The following GNG4 variants were observed in gnomAD, a reference collection of about 807,000 sequenced individuals.
GNG4 encodes guanine nucleotide-binding protein G(I)/G(S)/G(O) subunit gamma-4.
In GNG4, 4 loss-of-function variants were observed where a neutral mutation model predicts 5.8. The ratio of observed to expected loss-of-function variants is 0.69; its 90% CI spans 0.34 to 1.57. GNG4 has a LOEUF of 1.57. Among genes scored for constraint, GNG4 ranks in the 40% most tolerant of loss-of-function variants. The probability of loss-of-function intolerance (pLI) is 0.06; values close to 1 mark genes in which losing one functional copy is unlikely to be tolerated. For synonymous variants in GNG4, 29 were observed against 32.9 expected (o/e 0.88, Z 0.41); for missense variants, 96 against 95.1 (o/e 1.01, Z -0.04).
chr1:235,621,289 TTTC>T (rs1558500006), intron 1 of GNG4, among the ~76,000 whole-genome samples: 2 of 149,190 alleles, frequency 1.3e-5, no homozygotes, highest in African/African-American at 5.0e-5. Flanking sequence ...TTCTTTTTCT[TTTC>T]TTTTCTTTTT....
intron 1 of GNG4, among the ~76,000 whole-genome samples, chr1:235,606,857 G>A (rs534360864): frequency 1.3e-5 from 2 of 151,980 alleles, no homozygotes; most frequent in South Asian, 2.1e-4. Context: ...AGCATGGGGG[G>A]GCGAGCAGAG....
intron 1 of GNG4, among the ~76,000 whole-genome samples, chr1:235,623,259 A>G (rs1462147100): frequency 6.6e-6 from 1 of 152,100 alleles, no homozygotes; most frequent in Non-Finnish European, 1.5e-5. Flanking sequence ...GAGAAAAAGA[A>G]AAAAAAGGAT....
rs1688099250 is a variant in GNG4, at chr1:235,595,401, T to G, written c.-12A>C. On this transcript the variant is annotated splice_region_variant and 5_prime_UTR_variant, in exon 2 of 4. Coordinates refer to ENST00000391854, the MANE Select transcript of GNG4 (RefSeq NM_001098722.2). ...CACAGGGTAAGTCACTCTCCTTACC[T>G]GCTGAGAGGCAGCCGTGTGACAGGC... 1.3e-5 allele frequency: 2 copies of G among 152,298 alleles called. No homozygotes were observed. The highest frequency in any genetic ancestry group is 2.1e-4 in the South Asian group (1 of 4,822). The allele number at this position is 152,298 out of a possible 1,614,324, so 9.4% of individuals were successfully genotyped here.
chr1:235,560,340 T>C (rs1043223137), intron 3 of GNG4, among the ~76,000 whole-genome samples: 1 of 152,192 alleles, frequency 6.6e-6, no homozygotes, highest in South Asian at 2.1e-4. Context: ...GCTGTTATCA[T>C]GGGAATGGGC....
intron 1 of GNG4, among the ~76,000 whole-genome samples, chr1:235,635,352 C>T (rs527373349): frequency 4.8e-4 from 73 of 152,084 alleles, no homozygotes; most frequent in African/African-American, 1.7e-3. Context: ...CAAAATGATT[C>T]AGGTGTGGTG....
intron 1 of GNG4, among the ~76,000 whole-genome samples, chr1:235,617,400 C>T (rs996970356): frequency 6.6e-6 from 1 of 152,186 alleles, no homozygotes; most frequent in African/African-American, 2.4e-5. Context: ...CTGCTCCTAG[C>T]AGAATGCTGG....
intron 1 of GNG4, among the ~76,000 whole-genome samples, chr1:235,619,715 A>C (rs1253682751): frequency 6.6e-6 from 1 of 152,194 alleles, no homozygotes; most frequent in Non-Finnish European, 1.5e-5. Context: ...ACAGTTCTTC[A>C]TCTTTTCTGT....
At chr1:235,588,118 A>T (rs1388498122) in intron 2 of GNG4, among the ~76,000 whole-genome samples, 1 of 151,936 alleles carries the variant, frequency 6.6e-6, no homozygotes, top group African/African-American at 2.4e-5. Context: ...TCCGCTGTTC[A>T]AAAGAAGGGC....
At chr1:235,630,714 G>C in intron 1 of GNG4, among the ~76,000 whole-genome samples, 1 of 152,158 alleles carries the variant, frequency 6.6e-6, no homozygotes, top group East Asian at 1.9e-4. Flanking sequence ...AGGGACACGG[G>C]CTCTGGAAGA....
At chr1:235,629,569 T>A (rs1688891793) in intron 1 of GNG4, among the ~76,000 whole-genome samples, 1 of 151,320 alleles carries the variant, frequency 6.6e-6, no homozygotes, top group Non-Finnish European at 1.5e-5. Context: ...GCTACCAGCC[T>A]CTCAAATTTT....
chr1:235,607,726 A>G (rs1252171703), intron 1 of GNG4, among the ~76,000 whole-genome samples: 1 of 152,134 alleles, frequency 6.6e-6, no homozygotes, highest in African/African-American at 2.4e-5. Flanking sequence ...TGCTAGGGTT[A>G]GGGTGCAGCC....
intron 3 of GNG4, among the ~76,000 whole-genome samples, chr1:235,575,116 C>A (rs1009809096): frequency 1.3e-5 from 2 of 152,142 alleles, no homozygotes; most frequent in Non-Finnish European, 2.9e-5. Flanking sequence ...TGAGCCACTG[C>A]GCCTCGCCAC....
chr1:235,561,272 G>A (rs537497552), intron 3 of GNG4, among the ~76,000 whole-genome samples: 165 of 152,294 alleles, frequency 1.1e-3, no homozygotes, highest in Non-Finnish European at 2.8e-4. Flanking sequence ...GCCTCCCAAA[G>A]TGTTGGGATT....
rs866650894 is a variant in GNG4, at chr1:235,599,320, G to T, written c.-122-3809C>A. On this transcript the variant is annotated intron_variant, in intron 1 of 3. Transcript: ENST00000391854. The stretch of plus-strand genomic sequence containing the variant: ...GTTGTCGTTGTTTGTTTTTTGGTTT[G>T]TTTTTTTTTTTTTTGAGACAGAGTC... Among the ~76,000 whole-genome samples the T allele has an allele frequency of 2.9e-3, 410 of 140,132 alleles. 8 individuals carry two copies. In the East Asian group the frequency reaches 0.06, roughly 21 times the overall value. 91.9% of individuals were successfully genotyped at this position (140,132 alleles called of 152,430 possible). A position where few individuals can be genotyped will look rare whatever the true frequency, so the allele number is the denominator to read the frequency against.
chr1:235,639,473 C>G (rs1460885786), intron 1 of GNG4, among the ~76,000 whole-genome samples: 1 of 152,234 alleles, frequency 6.6e-6, no homozygotes, highest in Non-Finnish European at 1.5e-5. Context: ...CTTCCAGATG[C>G]CTTCCCTGTC....
intron 1 of GNG4, among the ~76,000 whole-genome samples, chr1:235,638,300 G>C (rs941960597): frequency 6.6e-6 from 1 of 152,050 alleles, no homozygotes. Flanking sequence ...TATATTTATG[G>C]CTTAAAACAA....
At chr1:235,623,030 C>A (rs1012233342) in intron 1 of GNG4, among the ~76,000 whole-genome samples, 11 of 151,826 alleles carry the variant, frequency 7.2e-5, no homozygotes, top group African/African-American at 2.4e-4. Flanking sequence ...ACAGAGCGAG[C>A]CTCTGTTTCA....
At chr1:235,586,838 T>G (rs571240948) in intron 2 of GNG4, among the ~76,000 whole-genome samples, 1 of 152,304 alleles carries the variant, frequency 6.6e-6, no homozygotes, top group African/African-American at 2.4e-5. Flanking sequence ...ATAAGCCAAT[T>G]AAACCTCTTT....
chr1:235,560,639 C>T (rs186424932), intron 3 of GNG4, among the ~76,000 whole-genome samples: 29 of 152,310 alleles, frequency 1.9e-4, no homozygotes, highest in South Asian at 1.0e-3. Context: ...GAAACAGACA[C>T]GAAGAAGTTT....
Sources: allele counts gnomAD v4.1 joint callset (sites outside exome capture counted in the v4.1 genomes callset), GRCh38; gene constraint gnomAD v4.1.1; transcripts MANE v1.5; gene names NCBI Gene and HGNC (gene_info 2026-07-23, HGNC 2026-07-21).